Variants in NREP observed in about 807,000 individuals in gnomAD.
The protein encoded by NREP is neuronal regeneration-related protein.
Under a neutral mutation model 8.6 loss-of-function variants are expected in NREP, and 5 were observed. The ratio of observed to expected loss-of-function variants is 0.58; its 90% CI spans 0.30 to 1.22. NREP has a LOEUF of 1.22. NREP is among the 50% of genes most tolerant of loss of function. The probability of loss-of-function intolerance (pLI) is 0.07; values close to 1 mark genes in which losing one functional copy is unlikely to be tolerated. For synonymous variants in NREP, 27 were observed against 28.0 expected (o/e 0.96, Z 0.11); for missense variants, 86 against 82.5 (o/e 1.04, Z -0.17).
At chr5:111,804,270 A>C (rs1316040209) in intron 2 of NREP, among the ~76,000 whole-genome samples, 1 of 152,248 alleles carries the variant, frequency 6.6e-6, no homozygotes, top group Non-Finnish European at 1.5e-5. Flanking sequence ...ATTTCAAAAC[A>C]CTGGAGGAAT....
At chr5:111,887,252 A>G (rs946425402) in intron 2 of NREP, among the ~76,000 whole-genome samples, 3 of 152,124 alleles carry the variant, frequency 2.0e-5, no homozygotes, top group African/African-American at 7.2e-5. Flanking sequence ...CCTCCGGTAC[A>G]TTATTTACTT....
intron 2 of NREP, among the ~76,000 whole-genome samples, chr5:111,914,522 G>A (rs1754996466): frequency 2.0e-5 from 3 of 152,050 alleles, no homozygotes; most frequent in African/African-American, 4.8e-5. Flanking sequence ...CTAGCCAATC[G>A]GGACAAATAC....
At chr5:111,834,591 C>T (rs1460011162) in intron 2 of NREP, among the ~76,000 whole-genome samples, 4 of 152,118 alleles carry the variant, frequency 2.6e-5, no homozygotes, top group Non-Finnish European at 5.9e-5. Flanking sequence ...TCTTTGGGTA[C>T]TTTTAAAACT....
intron 2 of NREP, chr5:111,846,451 A>T: frequency 1.0e-4 from 5 of 49,860 alleles, no homozygotes; most frequent in Admixed American, 1.8e-4. Flanking sequence ...TTTTTGTCTA[A>T]AGGTTTATCC....
At chr5:111,774,265 G>A (rs986779117) in intron 2 of NREP, among the ~76,000 whole-genome samples, 3 of 132,054 alleles carry the variant, frequency 2.3e-5, no homozygotes, top group Admixed American at 2.2e-4. Context: ...AGGAGGGAGA[G>A]AAGGAGGGAG....
intron 2 of NREP, among the ~76,000 whole-genome samples, chr5:111,964,880 A>G (rs939484104): frequency 1.4e-5 from 2 of 139,476 alleles, no homozygotes; most frequent in South Asian, 2.2e-4. Flanking sequence ...AAAAAAAAAA[A>G]AAAAAAAAAA....
At chr5:111,975,980 T>A (rs528516890) in intron 1 of NREP, among the ~76,000 whole-genome samples, 17 of 152,184 alleles carry the variant, frequency 1.1e-4, no homozygotes, top group Non-Finnish European at 2.2e-4. Flanking sequence ...GCATATCTAA[T>A]TCTTTTACAA....
At chr5:111,898,220 G>A (rs1467590760) in intron 2 of NREP, among the ~76,000 whole-genome samples, 1 of 152,176 alleles carries the variant, frequency 6.6e-6, no homozygotes, top group Non-Finnish European at 1.5e-5. Flanking sequence ...GGAAAGTGTA[G>A]AAGCAGGAAA....
chr5:111,906,826 T>A (rs938891300), intron 2 of NREP, among the ~76,000 whole-genome samples: 1 of 152,134 alleles, frequency 6.6e-6, no homozygotes. Flanking sequence ...TGGTGAAGTG[T>A]CCATATCTCT....
At chr5:111,810,123 G>A (rs1021992447) in intron 2 of NREP, among the ~76,000 whole-genome samples, 1 of 152,086 alleles carries the variant, frequency 6.6e-6, no homozygotes, top group African/African-American at 2.4e-5. Context: ...GGTTGGGGGA[G>A]GGAGAGAAGG....
intron 2 of NREP, among the ~76,000 whole-genome samples, chr5:111,832,392 G>A (rs1417515220): frequency 1.3e-5 from 2 of 152,020 alleles, no homozygotes; most frequent in Non-Finnish European, 2.9e-5. Context: ...ACATTAGCTG[G>A]GGGTGGCATG....
chr5:111,759,236 C>A (rs775264291), upstream of NREP, among the ~76,000 whole-genome samples: 10 of 152,086 alleles, frequency 6.6e-5, no homozygotes. Context: ...TGGGAAAGGA[C>A]CCCAAGGGCG....
chr5:111,915,592 A>G (rs1260763316), intron 2 of NREP, among the ~76,000 whole-genome samples: 1 of 152,098 alleles, frequency 6.6e-6, no homozygotes, highest in Non-Finnish European at 1.5e-5. Flanking sequence ...AATATGACAC[A>G]TTAACCAGCA....
intron 2 of NREP, among the ~76,000 whole-genome samples, chr5:111,789,465 C>T (rs1751691020): frequency 6.6e-6 from 1 of 152,162 alleles, no homozygotes. Context: ...ATTAGTGCCG[C>T]ATGTACATTT....
At chr5:111,969,384 G>A (rs1315771584) in intron 2 of NREP, 1 of 152,208 alleles carries the variant, frequency 6.6e-6, no homozygotes, top group African/African-American at 2.4e-5. Flanking sequence ...AAGGCATAAA[G>A]ATTTCATACA....
intron 2 of NREP, among the ~76,000 whole-genome samples, chr5:111,825,927 T>C (rs2112929138): frequency 6.6e-6 from 1 of 151,454 alleles, no homozygotes; most frequent in Admixed American, 6.6e-5. Context: ...TGCAAGGGAG[T>C]GTGGAAATAT....
At chr5:111,824,405 G>C (rs1045924973) in intron 2 of NREP, among the ~76,000 whole-genome samples, 13 of 152,110 alleles carry the variant, frequency 8.5e-5, no homozygotes, top group Non-Finnish European at 1.9e-4. Context: ...ATGTTTTAGA[G>C]CCTAACCCCT....
rs548463831 is a variant in NREP, at chr5:111,808,301, G to C, written c.136-72794C>G. ...CTGTCTTGGAAGTCTCTGCTGGGGA[G>C]GGGGTGTCTATCTCAGGCAGAACTG... On this transcript the variant is annotated intron_variant, in intron 2 of 3. Transcript: ENST00000395634. 2.0e-5 allele frequency among the ~76,000 whole-genome samples: 3 copies of C among 152,206 alleles called. No homozygotes were observed. In the South Asian group the frequency reaches 6.2e-4, roughly 31 times the overall value.
intron 2 of NREP, among the ~76,000 whole-genome samples, chr5:111,841,118 G>C (rs1753020669): frequency 6.6e-6 from 1 of 152,084 alleles, no homozygotes; most frequent in African/African-American, 2.4e-5. Context: ...AACAAGGATA[G>C]GGAAGAACCA....
Sources: allele counts gnomAD v4.1 joint callset (sites outside exome capture counted in the v4.1 genomes callset), GRCh38; gene constraint gnomAD v4.1.1; transcripts MANE v1.5; gene names NCBI Gene and HGNC (gene_info 2026-07-23, HGNC 2026-07-21).